Variants in ACOT9 observed in about 807,000 individuals in gnomAD.
The protein encoded by ACOT9 is acyl-coenzyme A thioesterase 9, mitochondrial.
ACOT9 carries 34 observed loss-of-function variants against 39.7 expected under a neutral mutation model. The ratio of observed to expected loss-of-function variants is 0.86; its 90% CI spans 0.65 to 1.14. The LOEUF (loss-of-function observed/expected upper bound fraction) is 1.14, where lower values mean the gene tolerates loss of function less well. ACOT9 is among the 50% of genes most tolerant of loss of function. The pLI, the probability that ACOT9 is intolerant of heterozygous loss-of-function variation, is 0.00. For missense variants in ACOT9, 313 were observed against 344.1 expected, an observed-to-expected ratio of 0.91 and a Z score of 0.71; for synonymous variants, 110 against 120.5, an observed-to-expected ratio of 0.91 and a Z score of 0.57.
At chrX:23,740,512 A>G (rs1470515733) in intron 1 of ACOT9, among the ~76,000 whole-genome samples, 1 of 110,280 alleles carries the variant, frequency 9.1e-6, no homozygotes, top group African/African-American at 3.3e-5. Context: ...ATTTTTGCTC[A>G]CACACACAAT....
intron 1 of ACOT9, among the ~76,000 whole-genome samples, chrX:23,738,855 TA>T (rs1437730649): frequency 8.9e-6 from 1 of 112,039 alleles, no homozygotes; most frequent in Non-Finnish European, 1.9e-5. Flanking sequence ...CATACCTGAA[TA>T]AATACACATA....
chrX:23,717,943 C>A (rs994985245), intron 8 of ACOT9, among the ~76,000 whole-genome samples: 2 of 110,603 alleles, frequency 1.8e-5, no homozygotes, highest in Non-Finnish European at 3.8e-5. Flanking sequence ...CAAAAACTAG[C>A]CACGCATGGT....
chrX:23,735,888 C>T (rs770070948), intron 2 of ACOT9, 31 bp downstream of exon 2: 6 of 1,162,511 alleles, frequency 5.2e-6, no homozygotes, highest in Non-Finnish European at 5.9e-6. Context: ...TTTTTCACCA[C>T]ATAGGCATCA....
At chrX:23,734,262 C>T (rs370986684) in intron 3 of ACOT9, 79 bp downstream of exon 3, 2 of 875,873 alleles carry the variant, frequency 2.3e-6, no homozygotes, top group East Asian at 3.4e-5. Context: ...AATGCCACTG[C>T]CCAAAAGTGC....
intron 8 of ACOT9, 89 bp downstream of exon 8, chrX:23,721,792 T>C: frequency 1.4e-6 from 1 of 737,520 alleles, no homozygotes; most frequent in Non-Finnish European, 2.0e-6. Flanking sequence ...AACATACCTG[T>C]CTACAGATAC....
In ACOT9 at chrX:23,702,236, G is replaced by A. The variant is rs1050774413; in HGVS notation, c.*1658C>T. The A allele has an allele frequency of 3.8e-5, 4 of 104,537 alleles. No individual in the cohort carries two copies. Among genetic ancestry groups the A allele is most frequent in the African/African-American group, 1.0e-4 (3 of 28,830 alleles). 8.6% of individuals were successfully genotyped at this position (104,537 alleles called of 1,213,427 possible). A position where few individuals can be genotyped will look rare whatever the true frequency, so the allele number is the denominator to read the frequency against. ...GTTACCTTCCTGTCAAAAAAGGAAC[G>A]GTCTTGGCTACAGATTTTTTTTTTT... On this transcript the variant is annotated 3_prime_UTR_variant, in exon 16 of 16. Transcript: ENST00000379303.
rs749270220 is a variant in ACOT9 at position 23,733,168 on chromosome X, A to G, written c.191+4T>C. ...AAAGAATGAATGAAAACAAAGATGCATACCTCCAGTTTGTGGATGCTCCTA... is the reference window on the plus strand; with the variant it reads ...AAAGAATGAATGAAAACAAAGATGCGTACCTCCAGTTTGTGGATGCTCCTA... On this transcript the variant is annotated splice_donor_region_variant and intron_variant, in intron 4 of 15. Transcript: ENST00000379303. 5.0e-6 allele frequency: 6 copies of G among 1,205,800 alleles called. No individual in the cohort carries two copies. The East Asian group carries it at 1.8e-4, about 36-fold the overall frequency.
intron 8 of ACOT9, among the ~76,000 whole-genome samples, chrX:23,715,296 G>C (rs1929038912): frequency 9.0e-6 from 1 of 111,450 alleles, no homozygotes; most frequent in Non-Finnish European, 1.9e-5. Context: ...GGATAGAACA[G>C]GCTGTTGACT....
chrX:23,730,748 A>T (rs1201545325), intron 5 of ACOT9, 68 bp downstream of exon 5: 50 of 1,067,167 alleles, frequency 4.7e-5, no homozygotes, highest in Non-Finnish European at 6.2e-5. Flanking sequence ...ATGGTGTGTG[A>T]ATTATATTTC....
chrX:23,741,919 T>C (rs1049819600), intron 1 of ACOT9, among the ~76,000 whole-genome samples: 3 of 110,375 alleles, frequency 2.7e-5, no homozygotes, highest in Admixed American at 9.8e-5. Flanking sequence ...AAGTGATCCA[T>C]CCACCTCAGC....
chrX:23,742,992 C>T (rs1601827790), intron 1 of ACOT9, 133 bp downstream of exon 1: 1 of 789,580 alleles, frequency 1.3e-6, no homozygotes, highest in Middle Eastern at 3.1e-4. Context: ...AGTGGGCGAG[C>T]GCCCCTTATC....
chrX:23,734,235 A>G (rs1929857532), intron 3 of ACOT9, 106 bp downstream of exon 3: 1 of 661,769 alleles, frequency 1.5e-6, no homozygotes, highest in South Asian at 3.0e-5. Flanking sequence ...GCTAAGGCAA[A>G]GAATGCAATT....
chrX:23,710,835 GAAAGAAAGA>G (rs1472922881), intron 9 of ACOT9, among the ~76,000 whole-genome samples: 2 of 108,890 alleles, frequency 1.8e-5, no homozygotes, highest in Non-Finnish European at 3.8e-5. Context: ...ATCTCAAAAA[GAAAGAAAGA>G]AAAAAAATTA....
chrX:23,704,553 C>T, intron 15 of ACOT9, 141 bp downstream of exon 15: 1 of 726,135 alleles, frequency 1.4e-6, no homozygotes, highest in Non-Finnish European at 2.0e-6. Context: ...GCCTTCAGGG[C>T]TGCCAAATCT....
At chrX:23,742,213 T>TGAGTGAGAGAGAGAGAGAGAGAGAGA in intron 1 of ACOT9, among the ~76,000 whole-genome samples, 1 of 68,880 alleles carries the variant, frequency 1.5e-5, no homozygotes, top group African/African-American at 7.5e-5. Flanking sequence ...AGTGAGTGAG[T>TGAGTGAGAGAGAGAGAGAGAGAGAGA]GAGAGAGAGA....
At chrX:23,712,405 TAAA>T (rs57718217) in intron 9 of ACOT9, among the ~76,000 whole-genome samples, 94 of 72,664 alleles carry the variant, frequency 1.3e-3, no homozygotes, top group African/African-American at 5.0e-3. Flanking sequence ...AACTCCATCT[TAAA>T]AAAAAAAAAA....
chrX:23,731,093 G>A, intron 4 of ACOT9, 107 bp from the exon 5 acceptor site: 1 of 619,998 alleles, frequency 1.6e-6, no homozygotes, highest in Non-Finnish European at 2.4e-6. Flanking sequence ...AAGAAGGTCT[G>A]GGCCTACTTT....
rs1921002212 is a variant in ACOT9, at chrX:23,743,202, G to A, written c.-58C>T. 1 of 1,128,211 alleles carries A rather than the reference G, an allele frequency of 8.9e-7. No homozygotes were observed. The highest frequency in any genetic ancestry group is 1.2e-6 in the Non-Finnish European group (1 of 849,030). 93.0% of individuals were successfully genotyped at this position (1,128,211 alleles called of 1,213,427 possible). On this transcript the variant is annotated 5_prime_UTR_variant, in exon 1 of 16. Coordinates refer to ENST00000379303, the MANE Select transcript of ACOT9 (RefSeq NM_001037171.2). ...CGGGCCCCGCGCGCTAGTCGGCGGA[G>A]GGAAACTGAGGCGATAAAAGACGCA...
intron 8 of ACOT9, among the ~76,000 whole-genome samples, chrX:23,718,634 G>A (rs1019426855): frequency 1.5e-4 from 17 of 111,728 alleles, no homozygotes; most frequent in Non-Finnish European, 2.1e-4. Flanking sequence ...GGCCGGGCAC[G>A]GTGGCTCACG....
Sources: gnomAD v4.1 joint callset for allele counts (sites outside exome capture counted in the v4.1 genomes callset) on GRCh38, gnomAD v4.1.1 for gene constraint, MANE v1.5 for transcripts, NCBI Gene and HGNC (gene_info 2026-07-23, HGNC 2026-07-21) for gene names.